The following TRAF7 variants were observed in gnomAD, a reference collection of about 807,000 sequenced individuals.
TRAF7 encodes the protein E3 ubiquitin-protein ligase TRAF7.
In TRAF7, 45 loss-of-function variants were observed where a neutral mutation model predicts 89.3. That is an observed-to-expected ratio of 0.50 (90% confidence interval 0.40 to 0.65). TRAF7 has a LOEUF of 0.65. Ranked by LOEUF, TRAF7 falls within the 30% of genes least tolerant of loss-of-function variation. The pLI, the probability that TRAF7 is intolerant of heterozygous loss-of-function variation, is 0.00. For missense variants in TRAF7, 677 were observed against 918.1 expected, an observed-to-expected ratio of 0.74 and a Z score of 3.39; for synonymous variants, 406 against 369.2, an observed-to-expected ratio of 1.10 and a Z score of -1.14.
Position 2,173,805 on chromosome 16 carries a change from C to A in TRAF7, c.1104C>A (p.Ile368=), listed in dbSNP as rs1427496504. 5 of 1,610,612 alleles carry A rather than the reference C, an allele frequency of 3.1e-6. No individual in the cohort carries two copies. Among genetic ancestry groups the A allele is most frequent in the Admixed American group, 1.7e-5 (1 of 59,996 alleles). Reference sequence around the variant, plus strand: ...CCCTGCAGGACGAGCTGTCCCACATCAACGCGCGGCTGAACATGGGCATCC... The same window carrying A: ...CCCTGCAGGACGAGCTGTCCCACATAAACGCGCGGCTGAACATGGGCATCC... The part of the protein sequence containing the change: ...ASMLNDELSH[I]NARLNMGILG... Residue 368 remains isoleucine, a synonymous_variant, in exon 12 of 21, where the codon ATC becomes ATA. Transcript: ENST00000326181.
chr16:2,164,159 TGCGCGCGCGC>T (rs61245743), intron 2 of TRAF7, among the ~76,000 whole-genome samples, 158 bp downstream of exon 2: 4,883 of 126,116 alleles, frequency 0.039, 137 homozygotes, highest in African/African-American at 0.082. Context: ...TGTGTGTGTG[TGCGCGCGCGC>T]GCGCGCGCGC....
chr16:2,164,931 G>A (rs1207127584), intron 2 of TRAF7, among the ~76,000 whole-genome samples: 3 of 61,326 alleles, frequency 4.9e-5, no homozygotes, highest in Non-Finnish European at 9.6e-5. Flanking sequence ...TGGCCTGGTC[G>A]CATGGTTAAG....
At chr16:2,156,487 TGAAA>T (rs965498688) in intron 1 of TRAF7, among the ~76,000 whole-genome samples, 6 of 151,910 alleles carry the variant, frequency 3.9e-5, no homozygotes, top group Admixed American at 2.6e-4. Flanking sequence ...GTATGTGCTG[TGAAA>T]GAAAGAAAGA....
In TRAF7 at chr16:2,176,583, A is replaced by G. The variant is rs1451399939; in HGVS notation, c.*9A>G. 1 of 1,613,464 alleles carries G rather than the reference A, an allele frequency of 6.2e-7. No homozygotes were observed. The highest frequency in any genetic ancestry group is 1.1e-5 in the South Asian group (1 of 91,082). The stretch of plus-strand genomic sequence containing the variant: ...AGGTTTGGACTTGCTAACAGGATCC[A>G]GGCCAGGCTGTGGTTTCCCCTGAAC... On this transcript the variant is annotated 3_prime_UTR_variant, in exon 21 of 21. Transcript: ENST00000326181.
intron 2 of TRAF7, among the ~76,000 whole-genome samples, chr16:2,165,284 G>A (rs1414182263): frequency 6.6e-5 from 9 of 135,794 alleles, no homozygotes; most frequent in Non-Finnish European, 1.4e-4. Flanking sequence ...TTAGTGCTGC[G>A]TGGCGCGGCC....
At chr16:2,165,838 T>C in intron 2 of TRAF7, 41 bp from the exon 3 acceptor site, 1 of 1,613,164 alleles carries the variant, frequency 6.2e-7, no homozygotes, top group Non-Finnish European at 8.5e-7. Flanking sequence ...GTCCTCCTTG[T>C]GTCCCGGAAT....
At chr16:2,173,657 G>A (rs570131057) in intron 11 of TRAF7, 103 bp downstream of exon 11, 1 of 1,571,062 alleles carries the variant, frequency 6.4e-7, no homozygotes, top group Non-Finnish European at 8.7e-7. Context: ...TCAAGATCAG[G>A]GGTCTTGTGT....
At position 2,173,628 on chromosome 16, in the gene TRAF7, C is replaced by G. The variant is rs894944159; in HGVS notation, c.1086+74C>G. 4.7e-5 allele frequency: 74 copies of G among 1,586,596 alleles called. No individual in the cohort carries two copies. In the East Asian group the frequency reaches 7.2e-4, roughly 15 times the overall value. On this transcript the variant is annotated intron_variant, in intron 11 of 20. Coordinates refer to ENST00000326181, the MANE Select transcript of TRAF7 (RefSeq NM_032271.3). ...GGCGGCCCCGGCAGGGAGGCCTCCCCTGGCCTTGCCTACACTAGTCAAGAT... is the reference window on the plus strand; with the variant it reads ...GGCGGCCCCGGCAGGGAGGCCTCCCGTGGCCTTGCCTACACTAGTCAAGAT...
intron 1 of TRAF7, among the ~76,000 whole-genome samples, chr16:2,157,864 C>T (rs1019714210): frequency 2.0e-5 from 3 of 152,174 alleles, no homozygotes; most frequent in Admixed American, 6.5e-5. Flanking sequence ...GTCCCTGGGC[C>T]GGCCTCTCCG....
intron 3 of TRAF7, 77 bp from the exon 4 acceptor site, chr16:2,168,000 G>A: frequency 7.2e-7 from 1 of 1,388,310 alleles, no homozygotes; most frequent in South Asian, 1.2e-5. Context: ...ACAGGGTCGG[G>A]TATCCAGCAT....
intron 7 of TRAF7, among the ~76,000 whole-genome samples, chr16:2,171,819 G>A (rs1427189875): frequency 6.6e-6 from 1 of 152,226 alleles, no homozygotes; most frequent in Non-Finnish European, 1.5e-5. Flanking sequence ...AGTGTGTCCA[G>A]ACTCAGAGAC....
rs1596665627 is a variant in TRAF7 at position 2,158,759 on chromosome 16, T to G, written c.-39+2901T>G. ...GAACACAGCGTGGGACTGGGAAGCGTGGGCTCGGCGGGGGGGGGGGGGACA... is the reference window on the plus strand; with the variant it reads ...GAACACAGCGTGGGACTGGGAAGCGGGGGCTCGGCGGGGGGGGGGGGGACA... On this transcript the variant is annotated intron_variant, in intron 1 of 20. Coordinates refer to ENST00000326181, the MANE Select transcript of TRAF7 (RefSeq NM_032271.3). This position sits in a 1 kb window ranked among gnomAD's most constrained non-coding sequence, Gnocchi z 4.7. Among the ~76,000 whole-genome samples, 1 of 31,708 alleles carries G rather than the reference T, an allele frequency of 3.2e-5. No individual in the cohort carries two copies. Among genetic ancestry groups the G allele is most frequent in the Admixed American group, 4.4e-4 (1 of 2,250 alleles). 20.8% of individuals were successfully genotyped at this position (31,708 alleles called of 152,430 possible).
rs1218615463 is a variant in TRAF7, at chr16:2,171,339, G to A, written c.424G>A (p.Val142Met). Residue 142 changes from valine to methionine, a missense_variant, in exon 6 of 21, where the codon GTG becomes ATG. This residue lies in a region of TRAF7 where 238 missense variants were observed against 352.6 expected (regional missense o/e 0.67). Transcript: ENST00000326181. ...QLCCSVFKDPVITTCGHTFCR... is the reference protein window; with the variant it reads ...QLCCSVFKDPMITTCGHTFCR... ...CTGCTGCAGCGTCTTCAAAGACCCC[G>A]TGATCACCACGTGTGGGGTGAGCCC... The A allele has an allele frequency of 7.7e-6, 12 of 1,553,876 alleles. No homozygotes were observed. Among genetic ancestry groups the A allele is most frequent in the Middle Eastern group, 1.7e-4 (1 of 6,014 alleles).
At chr16:2,165,722 G>A (rs368531766) in intron 2 of TRAF7, 157 bp from the exon 3 acceptor site, 48 of 771,562 alleles carry the variant, frequency 6.2e-5, no homozygotes, top group Admixed American at 3.4e-4. Context: ...ATGATTAAGC[G>A]TGTGAGTGCT....
At position 2,175,436 on chromosome 16, in the gene TRAF7, C is replaced by A. The variant is rs2141294175; in HGVS notation, c.1503+19C>A. On this transcript the variant is annotated intron_variant, in intron 16 of 20. Transcript: ENST00000326181. ...CATCAAGGTACGGGTGGAGGCTGTGCCTACGTGTGTGTCACTGAGGCGTCC... is the reference window on the plus strand; with the variant it reads ...CATCAAGGTACGGGTGGAGGCTGTGACTACGTGTGTGTCACTGAGGCGTCC... The A allele has an allele frequency of 1.9e-6, 3 of 1,612,786 alleles. No homozygotes were observed. The highest frequency in any genetic ancestry group is 2.5e-6 in the Non-Finnish European group (3 of 1,179,370).
rs553388871 is a variant in TRAF7 at position 2,171,439 on chromosome 16, G to A, written c.441+83G>A. ...GGCTCTCGGGGGCCGGGGCTGTGGC[G>A]CCCTGGCCTTGGTCAAGGCCTGTCC... On this transcript the variant is annotated intron_variant, in intron 6 of 20. Coordinates refer to ENST00000326181, the MANE Select transcript of TRAF7 (RefSeq NM_032271.3). 2.4e-3 allele frequency: 3,683 copies of A among 1,537,182 alleles called. 7 individuals carry two copies. The highest frequency in any genetic ancestry group is 3.1e-3 in the Non-Finnish European group (3,508 of 1,134,844).
intron 7 of TRAF7, 25 bp from the exon 8 acceptor site, chr16:2,172,166 G>C: frequency 6.2e-7 from 1 of 1,612,490 alleles, no homozygotes; most frequent in Admixed American, 1.7e-5. Context: ...CAGGCCGTGA[G>C]GGTCAGCACG....
intron 2 of TRAF7, among the ~76,000 whole-genome samples, chr16:2,165,562 T>G (rs1411804834): frequency 1.3e-4 from 12 of 90,330 alleles, no homozygotes; most frequent in Admixed American, 2.3e-4. Context: ...TTTAGCGTGT[T>G]AGTGCTGCGT....
At position 2,178,111 on chromosome 16, in the gene TRAF7, TAATA is replaced by T. The variant is rs1423728693; in HGVS notation, c.*1538_*1541del. ...CCGCCTCAGCTCATTCCCAATAAAT[TAATA>T]CTCTTGATAGCTTATATTCTGGGGG... is the stretch of plus-strand genomic sequence containing the variant. On this transcript the variant is annotated 3_prime_UTR_variant, in exon 21 of 21. Transcript: ENST00000326181. 7.9e-6 allele frequency: 4 copies of T among 506,734 alleles called. No individual in the cohort carries two copies. Among genetic ancestry groups the T allele is most frequent in the East Asian group, 4.5e-5 (1 of 22,330 alleles). 31.4% of individuals were successfully genotyped at this position (506,734 alleles called of 1,614,324 possible). A position where few individuals can be genotyped will look rare whatever the true frequency, so the allele number is the denominator to read the frequency against.
Sources: gnomAD v4.1 joint callset for allele counts (sites outside exome capture counted in the v4.1 genomes callset) on GRCh38, gnomAD v4.1.1 for gene constraint, gnomAD v4.1.1 regional missense constraint, Gnocchi (gnomAD v3.1) non-coding constraint, MANE v1.5 for transcripts, NCBI Gene and HGNC (gene_info 2026-07-23, HGNC 2026-07-21) for gene names.